IQGAP3: variants seen among roughly 807,000 people sequenced by gnomAD.
The protein encoded by IQGAP3 is ras GTPase-activating-like protein IQGAP3.
In IQGAP3, 165 loss-of-function variants were observed where a neutral mutation model predicts 208.2. The ratio of observed to expected loss-of-function variants is 0.79; its 90% CI spans 0.70 to 0.90. The LOEUF (loss-of-function observed/expected upper bound fraction) is 0.90. Among genes scored for constraint, IQGAP3 ranks in the 40% least tolerant of loss-of-function variants. IQGAP3 has a pLI of 0.00. For synonymous variants in IQGAP3, 703 were observed against 803.6 expected (o/e 0.87, Z 2.12); for missense variants, 1,811 against 2,043.1 (o/e 0.89, Z 2.19).
intron 21 of IQGAP3, 44 bp downstream of exon 21, chr1:156,544,108 G>C (rs1313137464): frequency 1.2e-6 from 2 of 1,612,522 alleles, no homozygotes; most frequent in Admixed American, 3.3e-5. Context: ...AGTCTCATGG[G>C]CAAAGGTTGG....
chr1:156,561,173 G>GC (rs1676133948), intron 10 of IQGAP3, 152 bp from the exon 11 acceptor site: 1 of 442,250 alleles, frequency 2.3e-6, no homozygotes, highest in Middle Eastern at 6.3e-4. Flanking sequence ...CCTATTAACC[G>GC]TTTTTTTTTT....
intron 27 of IQGAP3, among the ~76,000 whole-genome samples, chr1:156,535,753 G>A (rs1557921847): frequency 6.6e-6 from 1 of 152,230 alleles, no homozygotes; most frequent in Non-Finnish European, 1.5e-5. Context: ...AAGGAGATCA[G>A]TGAGCCGGGA....
At chr1:156,539,097 C>T in intron 25 of IQGAP3, 64 bp from the exon 26 acceptor site, 2 of 1,456,446 alleles carry the variant, frequency 1.4e-6, no homozygotes, top group East Asian at 2.4e-5. Flanking sequence ...CGTTGCTTTT[C>T]CTTTTTGAGA....
intron 29 of IQGAP3, 116 bp downstream of exon 29, chr1:156,534,385 T>C: frequency 1.1e-6 from 1 of 935,692 alleles, no homozygotes; most frequent in Non-Finnish European, 1.6e-6. Flanking sequence ...ACCCCGCTCA[T>C]TATGCTCATC....
intron 22 of IQGAP3, among the ~76,000 whole-genome samples, chr1:156,543,481 C>T (rs1675082437): frequency 6.6e-6 from 1 of 152,214 alleles, no homozygotes; most frequent in Admixed American, 6.5e-5. Flanking sequence ...ATTTGCTGGG[C>T]TTCTGAACTT....
chr1:156,529,921 A>AAAAG (rs1472564229), intron 34 of IQGAP3, among the ~76,000 whole-genome samples, 184 bp downstream of exon 34: 1 of 145,904 alleles, frequency 6.9e-6, no homozygotes, highest in African/African-American at 2.8e-5. Context: ...TGTCTCAAAA[A>AAAAG]AAAAAAAAAA....
Position 156,544,478 on chromosome 1 carries a change from C to T in IQGAP3, c.2305-6G>A. The stretch of plus-strand genomic sequence containing the variant: ...CTATAACCCCGCCAATGAGCCTGCA[C>T]ATCAGGAGAGAAAGGGAAGTAACTC... On this transcript the variant is annotated splice_polypyrimidine_tract_variant and splice_region_variant and intron_variant, in intron 19 of 37. Coordinates refer to ENST00000361170, the MANE Select transcript of IQGAP3 (RefSeq NM_178229.5). The T allele has an allele frequency of 1.2e-6, 2 of 1,612,720 alleles. No individual in the cohort carries two copies. Among genetic ancestry groups the T allele is most frequent in the Non-Finnish European group, 1.7e-6 (2 of 1,178,722 alleles).
At position 156,551,999 on chromosome 1, in the gene IQGAP3, AT is replaced by A; in HGVS notation, c.1544del (p.Asn515MetfsTer40). On this transcript the variant is annotated frameshift_variant, in exon 14 of 38. Transcript: ENST00000361170. LOFTEE classifies it high-confidence loss of function. ...GGTCAGTCTCTTCCTGGGTCTGTGC[AT>A]TGACCTGGCTCACGGTGGCCTGCAG... ...NDLQATVSQV[N>X]AQTQEETDRV... 2 of 1,614,150 alleles carry A rather than the reference AT, an allele frequency of 1.2e-6. No individual in the cohort carries two copies. The highest frequency in any genetic ancestry group is 1.7e-6 in the Non-Finnish European group (2 of 1,180,016).
rs80296404 is a variant in IQGAP3, at chr1:156,563,068, C to T, written c.798+66G>A. 2.2e-4 allele frequency: 299 copies of T among 1,383,434 alleles called. No individual in the cohort carries two copies. In the East Asian group the frequency reaches 6.5e-3, roughly 30 times the overall value. 85.7% of individuals were successfully genotyped at this position (1,383,434 alleles called of 1,614,324 possible). ...CTAGAGACATGACAGATAGGAGTCC[C>T]GGTTTCACTTGAGACTTTCCAGCCA... On this transcript the variant is annotated intron_variant, in intron 8 of 37. Transcript: ENST00000361170.
In IQGAP3 at chr1:156,540,047, A is replaced by C; in HGVS notation, c.2740-57T>G. On this transcript the variant is annotated intron_variant, in intron 23 of 37. Coordinates refer to ENST00000361170, the MANE Select transcript of IQGAP3 (RefSeq NM_178229.5). ...AGCCTAGGCCATCCCAGGGCACAGA[A>C]CATACGGTCTAGAATCAGTGCCTTG... The C allele has an allele frequency of 1.9e-6, 3 of 1,598,334 alleles. No homozygotes were observed. The Admixed American group carries it at 5.0e-5, about 27-fold the overall frequency.
At position 156,528,063 on chromosome 1, in the gene IQGAP3, G is replaced by C; in HGVS notation, c.4674-3C>G. 1 of 1,611,138 alleles carries C rather than the reference G, an allele frequency of 6.2e-7. No individual in the cohort carries two copies. The highest frequency in any genetic ancestry group is 8.5e-7 in the Non-Finnish European group (1 of 1,177,268). Reference sequence around the variant, plus strand: ...TGTCAAAGATGACGTTTCTGAAGCTGTCAGGAACAGGATTCAAAACAGGAA... The same window carrying C: ...TGTCAAAGATGACGTTTCTGAAGCTCTCAGGAACAGGATTCAAAACAGGAA... On this transcript the variant is annotated splice_polypyrimidine_tract_variant and splice_region_variant and intron_variant, in intron 36 of 37. Coordinates refer to ENST00000361170, the MANE Select transcript of IQGAP3 (RefSeq NM_178229.5).
At chr1:156,528,406 C>T (rs1219380033) in intron 36 of IQGAP3, 103 bp downstream of exon 36, 16 of 794,460 alleles carry the variant, frequency 2.0e-5, no homozygotes, top group African/African-American at 5.2e-5. Flanking sequence ...CCTTCAAGAT[C>T]GGGACCATGC....
intron 22 of IQGAP3, among the ~76,000 whole-genome samples, chr1:156,542,247 T>C (rs914825721): frequency 3.9e-5 from 6 of 152,156 alleles, no homozygotes; most frequent in Admixed American, 2.0e-4. Context: ...TGGAATTCAG[T>C]GGCATGATCT....
rs753891939 is a variant in IQGAP3 at position 156,548,634 on chromosome 1, G to C, written c.1940C>G (p.Ala647Gly). 6.2e-7 allele frequency: 1 copy of C among 1,611,186 alleles called. No homozygotes were observed. The change falls in exon 17 of 38, where the codon GCC becomes GGC. Residue 647 changes from alanine to glycine, a missense_variant. By Grantham distance (60) the Ala-to-Gly change is moderately conservative. Transcript: ENST00000361170. ...VALRGVVPDC[A>G]NGYQRALESA... ...TTCCAGGGCTCGCTGGTAGCCGTTG[G>C]CACAGTCGGGAACTACCCCTCGAAG...
chr1:156,571,460 TGC>T (rs1284548850), intron 1 of IQGAP3, among the ~76,000 whole-genome samples: 2 of 152,122 alleles, frequency 1.3e-5, no homozygotes, highest in Non-Finnish European at 2.9e-5. Flanking sequence ...TTAAAACACA[TGC>T]GTGCACACAC....
Position 156,546,305 on chromosome 1 carries a change from C to T in IQGAP3, c.2304+1768G>A, listed in dbSNP as rs114547144. Among the ~76,000 whole-genome samples, 1,345 of 152,242 alleles carry T rather than the reference C, an allele frequency of 8.8e-3. 24 individuals are homozygous for T. Among genetic ancestry groups the T allele is most frequent in the African/African-American group, 0.03 (1,262 of 41,536 alleles). The stretch of plus-strand genomic sequence containing the variant: ...GCCTCATTTTGGATTTTCCTTTCCC[C>T]GGGCAAGAGGCTCAAGGCTCTGGGC... On this transcript the variant is annotated intron_variant, in intron 19 of 37. Coordinates refer to ENST00000361170, the MANE Select transcript of IQGAP3 (RefSeq NM_178229.5).
In IQGAP3 at chr1:156,552,089, G is replaced by A. The variant is rs377601754; in HGVS notation, c.1455C>T (p.Phe485=). 8 of 1,613,874 alleles carry A rather than the reference G, an allele frequency of 5.0e-6. No homozygotes were observed. Among genetic ancestry groups the A allele is most frequent in the African/African-American group, 2.7e-5 (2 of 74,910 alleles). The stretch of plus-strand genomic sequence containing the variant: ...CCTGTCGCAATTTCAGCAGGGCATC[G>A]AAGTAACTGGCAGTGGGGTGAAGGG... ...EVEGENAQRY[F]DALLKLRQER... is the part of the protein sequence containing the mutation. The change falls in exon 14 of 38, where the codon TTC becomes TTT. Residue 485 remains phenylalanine, a synonymous_variant. Transcript: ENST00000361170.
At chr1:156,533,183 G>A (rs944483130) in intron 31 of IQGAP3, 77 bp from the exon 32 acceptor site, 3 of 1,521,492 alleles carry the variant, frequency 2.0e-6, no homozygotes, top group African/African-American at 1.4e-5. Context: ...ACACACACAT[G>A]CACCGATGGG....
chr1:156,541,008 G>A (rs778558570), intron 22 of IQGAP3, 92 bp from the exon 23 acceptor site: 540 of 1,032,772 alleles, frequency 5.2e-4, no homozygotes, highest in Non-Finnish European at 7.1e-4. Flanking sequence ...CCCAGTCCCC[G>A]TTCTGCTTGG....
Sources: gnomAD v4.1 joint callset for allele counts (sites outside exome capture counted in the v4.1 genomes callset) on GRCh38, gnomAD v4.1.1 for gene constraint, MANE v1.5 for transcripts, NCBI Gene and HGNC (gene_info 2026-07-23, HGNC 2026-07-21) for gene names.